CLEC20A: variants seen among roughly 807,000 people sequenced by gnomAD.
The protein encoded by CLEC20A is C-type lectin domain containing 20A.
At chr1:178,479,903 TAA>T (rs74263840) in intron 7 of CLEC20A, 110 of 130,802 alleles carry the variant, frequency 8.4e-4, no homozygotes, top group Middle Eastern at 3.9e-3. Context: ...GAGAGTTGTT[TAA>T]AAAAAAAAAA....
upstream of CLEC20A, chr1:178,497,183 C>T (rs1363366421): frequency 7.7e-6 from 3 of 388,572 alleles, no homozygotes; most frequent in Non-Finnish European, 1.4e-5. Flanking sequence ...GAAGAGATCC[C>T]TGTGTGGGGG....
upstream of CLEC20A, among the ~76,000 whole-genome samples, chr1:178,498,807 T>A (rs1358348963): frequency 6.6e-6 from 1 of 152,064 alleles, no homozygotes; most frequent in Non-Finnish European, 1.5e-5. Context: ...CCCCTACCCC[T>A]TCTCACCCTT....
At chr1:178,494,049 T>C (rs750392832) in intron 2 of CLEC20A, among the ~76,000 whole-genome samples, 4 of 152,208 alleles carry the variant, frequency 2.6e-5, no homozygotes, top group Non-Finnish European at 4.4e-5. Context: ...AGTTATCCTC[T>C]GAAAGGGTGC....
At chr1:178,479,520 T>C (rs140767158) in exon 8 of CLEC20A, 25 of 398,466 alleles carry the variant, frequency 6.3e-5, no homozygotes, top group Admixed American at 1.3e-4. Context: ...AGAAACTGCA[T>C]ATCCAAGAAT....
At chr1:178,492,373 C>G in intron 3 of CLEC20A, 128 bp downstream of exon 3, 3 of 397,936 alleles carry the variant, frequency 7.5e-6, no homozygotes, top group Non-Finnish European at 1.3e-5. Flanking sequence ...CCCTCCCGGA[C>G]AGCCAGGCAG....
intron 5 of CLEC20A, chr1:178,484,067 T>C (rs1259428659): frequency 6.6e-6 from 1 of 152,214 alleles, no homozygotes; most frequent in East Asian, 1.9e-4. Context: ...GAATGTACCA[T>C]AACTTATTTA....
intron 2 of CLEC20A, chr1:178,493,402 G>A (rs1649312587): frequency 6.6e-6 from 1 of 152,418 alleles, no homozygotes; most frequent in Admixed American, 6.5e-5. Flanking sequence ...CTATTTGAGA[G>A]GTGAGGATGG....
At chr1:178,497,125 C>T (rs571864308), upstream of CLEC20A, 6 of 396,212 alleles carry the variant, frequency 1.5e-5, no homozygotes, top group African/African-American at 1.0e-4. Flanking sequence ...CAGTGTCTGT[C>T]GCTGCCAGCA....
chr1:178,488,086 G>A (rs1377983033), intron 5 of CLEC20A, among the ~76,000 whole-genome samples: 2 of 152,178 alleles, frequency 1.3e-5, no homozygotes, highest in Non-Finnish European at 2.9e-5. Context: ...GGACTTTGCG[G>A]TGCTTCCCTC....
chr1:178,483,387 T>C (rs1649041235), intron 5 of CLEC20A, 105 bp from the exon 6 acceptor site: 1 of 396,022 alleles, frequency 2.5e-6, no homozygotes, highest in African/African-American at 2.1e-5. Flanking sequence ...GGACAGCCAC[T>C]GCTAGGCACA....
chr1:178,499,130 C>T (rs1350547160), upstream of CLEC20A, among the ~76,000 whole-genome samples: 1 of 152,180 alleles, frequency 6.6e-6, no homozygotes, highest in Admixed American at 6.5e-5. Flanking sequence ...AGCTCAGGCC[C>T]AGCACTCCCT....
At chr1:178,492,403 G>T in intron 3 of CLEC20A, 98 bp downstream of exon 3, 1 of 398,504 alleles carries the variant, frequency 2.5e-6, no homozygotes, top group Non-Finnish European at 4.4e-6. Flanking sequence ...GAACAGAGGG[G>T]ACGCGGGGGT....
upstream of CLEC20A, chr1:178,497,173 G>A (rs1649418268): frequency 2.6e-6 from 1 of 391,332 alleles, no homozygotes; most frequent in Non-Finnish European, 4.5e-6. Flanking sequence ...GGAGGATGCG[G>A]AAGAGATCCC....
intron 7 of CLEC20A, 47 bp downstream of exon 7, chr1:178,482,265 A>G (rs539053490): frequency 3.3e-5 from 13 of 398,522 alleles, no homozygotes; most frequent in Non-Finnish European, 4.4e-5. Context: ...TTGTCTTGCA[A>G]TGTCCAATCA....
intron 1 of CLEC20A, 57 bp from the exon 2 acceptor site, chr1:178,494,867 A>G: frequency 2.5e-6 from 1 of 398,844 alleles, no homozygotes; most frequent in East Asian, 3.6e-5. Context: ...CCTAGTCCTC[A>G]AAGAGCTTTC....
chr1:178,479,957 G>T (rs2102992707), intron 7 of CLEC20A: 1 of 151,456 alleles, frequency 6.6e-6, no homozygotes, highest in Non-Finnish European at 1.4e-5. Context: ...CTCCACCATT[G>T]AACAATTAAA....
At chr1:178,490,435 C>G (rs753027378) in exon 4 of CLEC20A, 18 of 398,588 alleles carry the variant, frequency 4.5e-5, no homozygotes, top group Middle Eastern at 6.2e-4. Context: ...ATCTGGACCA[C>G]AGCTGGGGTC....
intron 7 of CLEC20A, 194 bp downstream of exon 7, chr1:178,482,118 T>C (rs929270340): frequency 6.8e-5 from 26 of 381,926 alleles, no homozygotes; most frequent in Middle Eastern, 6.8e-4. Flanking sequence ...AGGAAAGACA[T>C]TGGAGAGGGT....
At chr1:178,485,469 G>T (rs185233430) in intron 5 of CLEC20A, among the ~76,000 whole-genome samples, 3 of 152,266 alleles carry the variant, frequency 2.0e-5, no homozygotes, top group Non-Finnish European at 1.5e-5. Flanking sequence ...TATTCCTTCT[G>T]CCAGGAAGAA....
Sources: allele counts gnomAD v4.1 joint callset (sites outside exome capture counted in the v4.1 genomes callset), GRCh38; gene constraint gnomAD v4.1.1; transcripts MANE v1.5; gene names NCBI Gene and HGNC (gene_info 2026-07-23, HGNC 2026-07-21).